Variants in CLPX observed in about 807,000 individuals in gnomAD.
The protein encoded by CLPX is caseinolytic mitochondrial matrix peptidase chaperone subunit X.
Under a neutral mutation model 76.4 loss-of-function variants are expected in CLPX, and 34 were observed. The observed-to-expected ratio is 0.45, with a 90% CI of 0.34 to 0.59. The LOEUF (loss-of-function observed/expected upper bound fraction) is 0.59. Ranked by LOEUF, CLPX falls within the 20% of genes least tolerant of loss-of-function variation. The pLI is 0.01. For missense variants in CLPX, 613 were observed against 757.0 expected (o/e 0.81, Z 2.23); for synonymous variants, 248 against 270.9 (o/e 0.92, Z 0.83).
At chr15:65,179,956 T>C (rs1049197129) in intron 2 of CLPX, 88 bp downstream of exon 2, 1 of 863,466 alleles carries the variant, frequency 1.2e-6, no homozygotes, top group Non-Finnish European at 1.7e-6. Flanking sequence ...ACAGAAAACA[T>C]ATAAGCCAGT....
chr15:65,162,693 C>G (rs373461531), intron 5 of CLPX, 48 bp from the exon 6 acceptor site: 166 of 1,096,652 alleles, frequency 1.5e-4, no homozygotes, highest in Non-Finnish European at 2.2e-4. Context: ...CTTGGGGGAA[C>G]AAACAATGAG....
At chr15:65,180,596 G>C (rs1328765840) in intron 1 of CLPX, among the ~76,000 whole-genome samples, 2 of 152,214 alleles carry the variant, frequency 1.3e-5, no homozygotes, top group African/African-American at 4.8e-5. Context: ...CAACTCATCT[G>C]TTATTATATA....
At chr15:65,161,986 C>G (rs750139078) in intron 6 of CLPX, among the ~76,000 whole-genome samples, 1 of 152,098 alleles carries the variant, frequency 6.6e-6, no homozygotes, top group African/African-American at 2.4e-5. Flanking sequence ...GTAAAAACAT[C>G]AAACTTAGCT....
intron 12 of CLPX, 135 bp downstream of exon 12, chr15:65,153,412 C>T: frequency 1.6e-6 from 1 of 620,546 alleles, no homozygotes; most frequent in Non-Finnish European, 2.8e-6. Flanking sequence ...GCCAAGATCG[C>T]ACCACTGCAC....
At chr15:65,180,304 T>C (rs1352963557) in intron 1 of CLPX, 100 bp from the exon 2 acceptor site, 3 of 889,256 alleles carry the variant, frequency 3.4e-6, no homozygotes, top group South Asian at 2.0e-5. Flanking sequence ...AAAAAAGCTA[T>C]CATTTTCACA....
At chr15:65,166,565 G>T in intron 4 of CLPX, 66 bp downstream of exon 4, 1 of 1,509,952 alleles carries the variant, frequency 6.6e-7, no homozygotes, top group Non-Finnish European at 9.2e-7. Flanking sequence ...GTGTAAACTT[G>T]GGAGAGGGAA....
At chr15:65,178,880 A>G in intron 3 of CLPX, 54 bp downstream of exon 3, 1 of 963,068 alleles carries the variant, frequency 1.0e-6, no homozygotes, top group Admixed American at 2.2e-5. Flanking sequence ...TTATACACTT[A>G]GTAATTTACA....
intron 8 of CLPX, among the ~76,000 whole-genome samples, chr15:65,157,166 T>C (rs1394381919): frequency 1.3e-5 from 2 of 152,246 alleles, no homozygotes; most frequent in African/African-American, 2.4e-5. Flanking sequence ...AAAATCTCCT[T>C]GACAACAGTG....
intron 7 of CLPX, 67 bp from the exon 8 acceptor site, chr15:65,157,977 T>G: frequency 7.2e-7 from 1 of 1,390,260 alleles, no homozygotes; most frequent in Non-Finnish European, 9.7e-7. Flanking sequence ...TCAATAAAAA[T>G]GCAAAATAAA....
In CLPX at chr15:65,179,001, C is replaced by A. The variant is rs766572427; in HGVS notation, c.291G>T (p.Gly97=). The change falls in exon 3 of 14, where the codon GGG becomes GGT. Residue 97 remains glycine (G), a synonymous_variant. Coordinates refer to ENST00000300107, the MANE Select transcript of CLPX (RefSeq NM_006660.5). ...GACAGCGCAGCTGGTTTCCACCTTTCCCAGAATTCCCAGAGCCTGATTTCT... is the reference window on the plus strand; with the variant it reads ...GACAGCGCAGCTGGTTTCCACCTTTACCAGAATTCCCAGAGCCTGATTTCT... ...SSKKSGSGNS[G]KGGNQLRCPK... is the part of the protein sequence containing the mutation. 15 of 1,612,134 alleles carry A rather than the reference C, an allele frequency of 9.3e-6. No homozygotes were observed. The African/African-American group carries it at 1.1e-4, about 11-fold the overall frequency.
intron 4 of CLPX, 91 bp downstream of exon 4, chr15:65,166,540 T>C (rs1416582663): frequency 2.4e-6 from 3 of 1,263,278 alleles, no homozygotes; most frequent in Non-Finnish European, 3.4e-6. Flanking sequence ...GTTTATATAC[T>C]AGTATTAGGA....
chr15:65,169,642 G>C (rs2087970984), intron 3 of CLPX, among the ~76,000 whole-genome samples: 2 of 152,028 alleles, frequency 1.3e-5, no homozygotes, highest in Admixed American at 1.3e-4. Flanking sequence ...CTTGAACCTG[G>C]GAGGCAGAGG....
In CLPX at chr15:65,179,056, C is replaced by T. The variant is rs1566986930; in HGVS notation, c.241-5G>A. The T allele has an allele frequency of 5.7e-6, 9 of 1,578,468 alleles. No homozygotes were observed. Among genetic ancestry groups the T allele is most frequent in the African/African-American group, 4.0e-5 (3 of 74,102 alleles). On this transcript the variant is annotated splice_region_variant and splice_polypyrimidine_tract_variant and intron_variant, in intron 2 of 13. Transcript: ENST00000300107. ...ACTTCCCTCACTTGCTGATTTCTAA[C>T]GTTTATGAAGGAGAAAAAAGGAAGA...
chr15:65,166,588 T>C lies in CLPX; in HGVS notation c.513+43A>G, dbSNP rs117799225. The C allele has an allele frequency of 4.1e-3, 6,600 of 1,597,570 alleles. 16 individuals are homozygous for C. The highest frequency in any genetic ancestry group is 5.1e-3 in the Non-Finnish European group (5,974 of 1,169,780). ...TTGGGAGAGGGAAGCAATGGAATGTTTTCAAGATAAAATACTTGTAAGACT... is the reference window on the plus strand; with the variant it reads ...TTGGGAGAGGGAAGCAATGGAATGTCTTCAAGATAAAATACTTGTAAGACT... On this transcript the variant is annotated intron_variant, in intron 4 of 13. Coordinates refer to ENST00000300107, the MANE Select transcript of CLPX (RefSeq NM_006660.5).
chr15:65,179,122 C>T lies in CLPX; in HGVS notation c.241-71G>A, dbSNP rs898446222. The T allele has an allele frequency of 9.5e-5, 73 of 766,110 alleles. 1 individual carries two copies. The Admixed American group carries it at 1.6e-3, about 17-fold the overall frequency. 47.5% of individuals were successfully genotyped at this position (766,110 alleles called of 1,614,324 possible). A position where few individuals can be genotyped will look rare whatever the true frequency, so the allele number is the denominator to read the frequency against. Reference sequence around the variant, plus strand: ...TTCAGGCAACCAACTTAAATGTAAACAATACTGTTTGTAATTAATTTTATA... The same window carrying T: ...TTCAGGCAACCAACTTAAATGTAAATAATACTGTTTGTAATTAATTTTATA... On this transcript the variant is annotated intron_variant, in intron 2 of 13. Coordinates refer to ENST00000300107, the MANE Select transcript of CLPX (RefSeq NM_006660.5).
Position 65,155,717 on chromosome 15 carries a change from A to T in CLPX, c.1286T>A (p.Ile429Asn). The stretch of plus-strand genomic sequence containing the variant: ...CTTTTCATTTTTCCTCCTGCTGATG[A>T]TTCTGTCTAAACCATTGAAAGCACC... ...ASGAFNGLDR[I>N]ISRRKNEKYL... The change falls in exon 10 of 14, where the codon ATC becomes AAC. Residue 429 changes from isoleucine (I) to asparagine (N), a missense_variant. Physicochemically the swap from Ile to Asn is moderately radical, Grantham distance 149. This residue lies in a region of CLPX where 450 missense variants were observed against 638.6 expected (regional missense o/e 0.70). Coordinates refer to ENST00000300107, the MANE Select transcript of CLPX (RefSeq NM_006660.5). 6.2e-7 allele frequency: 1 copy of T among 1,612,866 alleles called. No homozygotes were observed. The highest frequency in any genetic ancestry group is 1.1e-5 in the South Asian group (1 of 90,958).
chr15:65,162,689 G>T, intron 5 of CLPX, 44 bp from the exon 6 acceptor site: 2 of 1,171,612 alleles, frequency 1.7e-6, no homozygotes, highest in Non-Finnish European at 2.5e-6. Context: ...TTACCTTGGG[G>T]GAACAAACAA....
intron 1 of CLPX, among the ~76,000 whole-genome samples, chr15:65,181,880 T>C (rs1266760930): frequency 6.6e-6 from 1 of 151,246 alleles, no homozygotes; most frequent in Non-Finnish European, 1.5e-5. Context: ...TCCCAGCACT[T>C]TGGGAGGCCC....
chr15:65,168,383 CAAAA>C lies in CLPX; in HGVS notation c.359-1602_359-1599del, dbSNP rs71136319. The stretch of plus-strand genomic sequence containing the variant: ...TGGGCGACAAAGTGAGACTCTGTCT[CAAAA>C]AAAAAAAAAAAAAAAAAAAAAAATT... On this transcript the variant is annotated intron_variant, in intron 3 of 13. Transcript: ENST00000300107. Among the ~76,000 whole-genome samples, 306 of 35,614 alleles carry C rather than the reference CAAAA, an allele frequency of 8.6e-3. 4 individuals carry two copies. Among genetic ancestry groups the C allele is most frequent in the African/African-American group, 0.034 (266 of 7,868 alleles). The allele number at this position is 35,614 out of a possible 152,430, so 23.4% of individuals were successfully genotyped here. A position where few individuals can be genotyped will look rare whatever the true frequency, so the allele number is the denominator to read the frequency against.
Sources: gnomAD v4.1 joint callset for allele counts (sites outside exome capture counted in the v4.1 genomes callset) on GRCh38, gnomAD v4.1.1 for gene constraint, gnomAD v4.1.1 regional missense constraint, MANE v1.5 for transcripts, NCBI Gene and HGNC (gene_info 2026-07-23, HGNC 2026-07-21) for gene names.